The following FARP1 variants were observed in gnomAD, a reference collection of about 807,000 sequenced individuals.
The protein encoded by FARP1 is FERM, ARH/RhoGEF and pleckstrin domain protein 1, also known as FERM, ARHGEF and pleckstrin domain-containing protein 1.
FARP1 carries 52 observed loss-of-function variants against 128.8 expected under a neutral mutation model. The observed-to-expected ratio is 0.40, with a 90% CI of 0.32 to 0.51. FARP1 has a LOEUF of 0.51. FARP1 is among the 20% of genes least tolerant of loss of function. FARP1 has a pLI of 0.45. For missense variants in FARP1, 1,333 were observed against 1,367.9 expected (o/e 0.97, Z 0.40); for synonymous variants, 580 against 551.8 (o/e 1.05, Z -0.72).
Position 98,228,315 on chromosome 13 carries a change from G to A in FARP1, c.171+14902G>A, listed in dbSNP as rs546171134. 2.6e-5 allele frequency among the ~76,000 whole-genome samples: 4 copies of A among 152,272 alleles called. No homozygotes were observed. In the South Asian group the frequency reaches 6.2e-4, roughly 24 times the overall value. On this transcript the variant is annotated intron_variant, in intron 2 of 26. Transcript: ENST00000319562. ...GCGGAGGCTGCCGTGAGCCAAGATCGTGCCATTGCACTTCAGCCTGGGCAA... is the reference window on the plus strand; with the variant it reads ...GCGGAGGCTGCCGTGAGCCAAGATCATGCCATTGCACTTCAGCCTGGGCAA...
At chr13:98,435,446 G>C in intron 18 of FARP1, 130 bp from the exon 19 acceptor site, 1 of 826,422 alleles carries the variant, frequency 1.2e-6, no homozygotes, top group Non-Finnish European at 1.8e-6. Context: ...CACTGTTTTT[G>C]CTCAAAAGAC....
intron 2 of FARP1, among the ~76,000 whole-genome samples, chr13:98,314,274 C>CTTTTTTTTTTTTTTTTT (rs140938723): frequency 3.3e-5 from 2 of 60,036 alleles, no homozygotes; most frequent in South Asian, 9.0e-4. Context: ...TATTTTATGT[C>CTTTTTTTTTTTTTTTTT]TTTTTTTTTT....
chr13:98,319,835 T>A (rs745824189), intron 2 of FARP1, among the ~76,000 whole-genome samples: 6 of 152,116 alleles, frequency 3.9e-5, no homozygotes, highest in Non-Finnish European at 8.8e-5. Context: ...TACCTACAGT[T>A]GCTGGGGGAA....
rs1893094390 is a variant in FARP1, at chr13:98,449,712, AG to A, written c.*1398del. The A allele has an allele frequency of 1.3e-5, 2 of 152,204 alleles. No homozygotes were observed. Among genetic ancestry groups the A allele is most frequent in the Non-Finnish European group, 2.9e-5 (2 of 67,986 alleles). The allele number at this position is 152,204 out of a possible 1,614,324, so 9.4% of individuals were successfully genotyped here. A position where few individuals can be genotyped will look rare whatever the true frequency, so the allele number is the denominator to read the frequency against. On this transcript the variant is annotated 3_prime_UTR_variant, in exon 27 of 27. Transcript: ENST00000319562. Reference sequence around the variant, plus strand: ...ACCAGACGGTTTCCAGTACTAACAAAGGGAATAAAAATACCTCACGCCACAA... The same window carrying A: ...ACCAGACGGTTTCCAGTACTAACAAAGGAATAAAAATACCTCACGCCACAA...
chr13:98,449,083 G>GATA lies in FARP1; in HGVS notation c.*771_*773dup, dbSNP rs1175006464. The GATA allele has an allele frequency of 1.3e-5, 2 of 152,216 alleles. No homozygotes were observed. The highest frequency in any genetic ancestry group is 2.4e-5 in the African/African-American group (1 of 41,440). 9.4% of individuals were successfully genotyped at this position (152,216 alleles called of 1,614,324 possible). On this transcript the variant is annotated 3_prime_UTR_variant, in exon 27 of 27. Coordinates refer to ENST00000319562, the MANE Select transcript of FARP1 (RefSeq NM_005766.4). ...CTGTGAGTGGTGTACACAATGGGAA[G>GATA]ATAATAAGCCGTGGTGTTTTGCTGT...
In FARP1 at chr13:98,424,760, ACT is replaced by A. The variant is rs1891716691; in HGVS notation, c.1905+115_1905+116del. ...CCATCAGCATGCATCACCTGATTTG[ACT>A]CTCTACACCAAGCTTGTCCAACCCA... On this transcript the variant is annotated intron_variant, in intron 17 of 26. Coordinates refer to ENST00000319562, the MANE Select transcript of FARP1 (RefSeq NM_005766.4). 3.9e-6 allele frequency: 3 copies of A among 761,230 alleles called. No homozygotes were observed. In the East Asian group the frequency reaches 7.7e-5, roughly 20 times the overall value. The allele number at this position is 761,230 out of a possible 1,614,324, so 47.2% of individuals were successfully genotyped here.
intron 3 of FARP1, among the ~76,000 whole-genome samples, chr13:98,347,397 C>T (rs1289114974): frequency 1.3e-5 from 2 of 152,180 alleles, no homozygotes; most frequent in Non-Finnish European, 2.9e-5. Flanking sequence ...TCTACACCCA[C>T]TGAAGAACTC....
chr13:98,187,439 G>A (rs140387164), intron 1 of FARP1, among the ~76,000 whole-genome samples: 24 of 152,300 alleles, frequency 1.6e-4, no homozygotes, highest in Non-Finnish European at 2.1e-4. Flanking sequence ...AAGTTTCATG[G>A]CATTTGAGAT....
At position 98,384,898 on chromosome 13, in the gene FARP1, A is replaced by G. The variant is rs75807893; in HGVS notation, c.611+54A>G. ...CTCTGAGCCGGTTCTCTCTGCCTCC[A>G]ACCTACATGGGTGTACATCCCTCCA... On this transcript the variant is annotated intron_variant, in intron 7 of 26. Coordinates refer to ENST00000319562, the MANE Select transcript of FARP1 (RefSeq NM_005766.4). 1.2e-3 allele frequency: 1,296 copies of G among 1,068,558 alleles called. 7 individuals are homozygous for G. In the African/African-American group the frequency reaches 0.018, roughly 15 times the overall value. 66.2% of individuals were successfully genotyped at this position (1,068,558 alleles called of 1,614,324 possible). A position where few individuals can be genotyped will look rare whatever the true frequency, so the allele number is the denominator to read the frequency against.
chr13:98,267,489 C>G (rs1346919237), intron 2 of FARP1, among the ~76,000 whole-genome samples: 1 of 152,182 alleles, frequency 6.6e-6, no homozygotes, highest in East Asian at 1.9e-4. Flanking sequence ...CGCTCCCACC[C>G]CCCCATATCC....
intron 13 of FARP1, chr13:98,397,221 C>T (rs1459525283): frequency 6.6e-6 from 1 of 152,208 alleles, no homozygotes; most frequent in East Asian, 1.9e-4. Flanking sequence ...AAGTACAATT[C>T]TGCCTCTCAG....
rs1007297013 is a variant in FARP1, at chr13:98,176,684, C to T, written c.-24+33192C>T. On this transcript the variant is annotated intron_variant, in intron 1 of 26. Coordinates refer to ENST00000319562, the MANE Select transcript of FARP1 (RefSeq NM_005766.4). The surrounding 1 kb of genome is among the most constrained non-coding windows in gnomAD (Gnocchi z 6.2). ...GGCTGGTAATCCCAGCGCACAGTGGCGCGCAGATGCCCTGGCGCACGTATG... is the reference window on the plus strand; with the variant it reads ...GGCTGGTAATCCCAGCGCACAGTGGTGCGCAGATGCCCTGGCGCACGTATG... The T allele has an allele frequency of 6.2e-7, 1 of 1,614,034 alleles. No individual in the cohort carries two copies. Among genetic ancestry groups the T allele is most frequent in the East Asian group, 2.2e-5 (1 of 44,884 alleles).
chr13:98,243,403 A>C lies in FARP1; in HGVS notation c.171+29990A>C, dbSNP rs533008221. Reference sequence around the variant, plus strand: ...TTCTTCTGTGTCCTGTTGATTAAGAAGAATCTGTATGGCCGGGCACGGTGG... The same window carrying C: ...TTCTTCTGTGTCCTGTTGATTAAGACGAATCTGTATGGCCGGGCACGGTGG... On this transcript the variant is annotated intron_variant, in intron 2 of 26. Transcript: ENST00000319562. Among the ~76,000 whole-genome samples, 4 of 152,260 alleles carry C rather than the reference A, an allele frequency of 2.6e-5. No individual in the cohort carries two copies. In the South Asian group the frequency reaches 8.3e-4, roughly 32 times the overall value.
intron 2 of FARP1, among the ~76,000 whole-genome samples, chr13:98,266,837 A>AC (rs1250131579): frequency 3.3e-5 from 5 of 151,872 alleles, no homozygotes; most frequent in Non-Finnish European, 7.4e-5. Flanking sequence ...CATAAGTGAG[A>AC]CCCCATCTCT....
At chr13:98,318,613 G>A (rs1886846901) in intron 2 of FARP1, among the ~76,000 whole-genome samples, 1 of 152,156 alleles carries the variant, frequency 6.6e-6, no homozygotes, top group East Asian at 1.9e-4. Flanking sequence ...TGGTAGAAGT[G>A]GCCATTGCTT....
At chr13:98,371,112 A>G (rs374619227) in intron 5 of FARP1, among the ~76,000 whole-genome samples, 1 of 152,090 alleles carries the variant, frequency 6.6e-6, no homozygotes. Context: ...TGTGTTTGGA[A>G]TAAGTAGCAT....
At chr13:98,306,711 A>G (rs1886182984) in intron 2 of FARP1, among the ~76,000 whole-genome samples, 1 of 151,402 alleles carries the variant, frequency 6.6e-6, no homozygotes, top group African/African-American at 2.4e-5. Flanking sequence ...TTTTGTCGAG[A>G]TGAGGTCTCT....
intron 9 of FARP1, among the ~76,000 whole-genome samples, chr13:98,389,145 GTTCAGTAGGT>G (rs1190621938): frequency 6.6e-6 from 1 of 152,194 alleles, no homozygotes; most frequent in East Asian, 1.9e-4. Flanking sequence ...TACAGTCTGG[GTTCAGTAGGT>G]TTTCATGGCC....
chr13:98,362,613 C>T (rs946942262), intron 3 of FARP1, among the ~76,000 whole-genome samples: 1 of 152,192 alleles, frequency 6.6e-6, no homozygotes, highest in African/African-American at 2.4e-5. Context: ...CTACGCTGGC[C>T]GTCTTATCCT....
Sources: gnomAD v4.1 joint callset for allele counts (sites outside exome capture counted in the v4.1 genomes callset) on GRCh38, gnomAD v4.1.1 for gene constraint, Gnocchi (gnomAD v3.1) non-coding constraint, MANE v1.5 for transcripts, NCBI Gene and HGNC (gene_info 2026-07-23, HGNC 2026-07-21) for gene names.